The following ENOPH1 variants were observed in gnomAD, a reference collection of about 807,000 sequenced individuals.
ENOPH1 encodes the protein enolase-phosphatase 1, also known as enolase-phosphatase E1.
In ENOPH1, 14 loss-of-function variants were observed where a neutral mutation model predicts 31.1. The observed-to-expected ratio is 0.45, with a 90% CI of 0.30 to 0.70. The LOEUF (loss-of-function observed/expected upper bound fraction) is 0.70. ENOPH1 is among the 30% of genes least tolerant of loss of function. ENOPH1 has a pLI of 0.09. For missense variants in ENOPH1, 243 were observed against 321.5 expected, an observed-to-expected ratio of 0.76 and a Z score of 1.87; for synonymous variants, 127 against 123.2, an observed-to-expected ratio of 1.03 and a Z score of -0.21.
chr4:82,450,535 A>C (rs915915550), intron 2 of ENOPH1, among the ~76,000 whole-genome samples: 1 of 152,186 alleles, frequency 6.6e-6, no homozygotes, highest in Non-Finnish European at 1.5e-5. Flanking sequence ...CTTTGTCACA[A>C]GGTCATTGTT....
At chr4:82,434,843 G>T (rs1721865950) in intron 1 of ENOPH1, among the ~76,000 whole-genome samples, 1 of 152,116 alleles carries the variant, frequency 6.6e-6, no homozygotes, top group African/African-American at 2.4e-5. Flanking sequence ...GGAGGCGGAG[G>T]TTGCAGTGAG....
rs191958562 is a variant in ENOPH1, at chr4:82,459,821, A to G, written c.647-160A>G. Among the ~76,000 whole-genome samples, 14 of 152,294 alleles carry G rather than the reference A, an allele frequency of 9.2e-5. No homozygotes were observed. In the East Asian group the frequency reaches 2.7e-3, roughly 29 times the overall value. On this transcript the variant is annotated intron_variant, in intron 5 of 5. Coordinates refer to ENST00000273920, the MANE Select transcript of ENOPH1 (RefSeq NM_021204.5). ...AAACATACATAAAAGAGATAATAATATAGTCAACCCCAGGGTGCCCATCTT... is the reference window on the plus strand; with the variant it reads ...AAACATACATAAAAGAGATAATAATGTAGTCAACCCCAGGGTGCCCATCTT...
At chr4:82,431,280 G>A (rs1344675553) in intron 1 of ENOPH1, among the ~76,000 whole-genome samples, 1 of 152,186 alleles carries the variant, frequency 6.6e-6, no homozygotes, top group Non-Finnish European at 1.5e-5. Flanking sequence ...TTTCTGCTCC[G>A]TCGGGCCTGG....
intron 1 of ENOPH1, among the ~76,000 whole-genome samples, chr4:82,443,032 C>T (rs545280641): frequency 1.3e-5 from 2 of 151,930 alleles, no homozygotes; most frequent in East Asian, 2.0e-4. Context: ...ATCTCAAACT[C>T]GTGACCTCAA....
chr4:82,437,333 G>A (rs536164067), intron 1 of ENOPH1, among the ~76,000 whole-genome samples: 22 of 152,250 alleles, frequency 1.4e-4, no homozygotes, highest in Non-Finnish European at 2.6e-4. Flanking sequence ...TAAATAGGTC[G>A]CCTTTGCATA....
intron 1 of ENOPH1, among the ~76,000 whole-genome samples, chr4:82,435,535 A>G (rs190587731): frequency 8.5e-5 from 13 of 152,348 alleles, no homozygotes. Flanking sequence ...GTATTTTAGA[A>G]GATAATAATT....
intron 1 of ENOPH1, among the ~76,000 whole-genome samples, chr4:82,441,666 A>C (rs1216471207): frequency 1.3e-5 from 2 of 152,002 alleles, no homozygotes; most frequent in Non-Finnish European, 2.9e-5. Flanking sequence ...AAACCATCAG[A>C]TCTTGTGACA....
At position 82,435,197 on chromosome 4, in the gene ENOPH1, G is replaced by A. The variant is rs550344925; in HGVS notation, c.84+4284G>A. On this transcript the variant is annotated intron_variant, in intron 1 of 5. Transcript: ENST00000273920. ...GCTCACCGCAACCTCGACCTCTCAG[G>A]CTTAAGCAATCCTCCTACCTCAGTC... Among the ~76,000 whole-genome samples the A allele has an allele frequency of 5.3e-5, 8 of 152,242 alleles. No individual in the cohort carries two copies. The East Asian group carries it at 1.5e-3, about 29-fold the overall frequency.
At chr4:82,441,245 C>T (rs1456899702) in intron 1 of ENOPH1, among the ~76,000 whole-genome samples, 1 of 152,116 alleles carries the variant, frequency 6.6e-6, no homozygotes, top group Non-Finnish European at 1.5e-5. Flanking sequence ...GCCTCACAAT[C>T]ATGGTGGAAG....
intron 1 of ENOPH1, among the ~76,000 whole-genome samples, chr4:82,441,081 A>G (rs1278725262): frequency 3.9e-5 from 6 of 152,212 alleles, no homozygotes; most frequent in Non-Finnish European, 7.3e-5. Flanking sequence ...GGCATGGACC[A>G]CTCCAAAAAG....
Position 82,432,743 on chromosome 4 carries a change from G to A in ENOPH1, c.84+1830G>A, listed in dbSNP as rs569644201. ...CAACCTCTGCTTCCGGGGTTCAAGCGATTCTGGTGCCTCAGCCTTCCGAGT... is the reference window on the plus strand; with the variant it reads ...CAACCTCTGCTTCCGGGGTTCAAGCAATTCTGGTGCCTCAGCCTTCCGAGT... On this transcript the variant is annotated intron_variant, in intron 1 of 5. Coordinates refer to ENST00000273920, the MANE Select transcript of ENOPH1 (RefSeq NM_021204.5). Among the ~76,000 whole-genome samples the A allele has an allele frequency of 7.2e-5, 11 of 152,242 alleles. No individual in the cohort carries two copies. The South Asian group carries it at 2.3e-3, about 32-fold the overall frequency.
intron 1 of ENOPH1, among the ~76,000 whole-genome samples, chr4:82,440,659 T>C (rs1443103396): frequency 6.6e-6 from 1 of 152,236 alleles, no homozygotes; most frequent in Non-Finnish European, 1.5e-5. Flanking sequence ...GTGCTGCTTC[T>C]TAAAACCTTA....
intron 2 of ENOPH1, among the ~76,000 whole-genome samples, chr4:82,450,407 CTTACT>C (rs1188873248): frequency 1.3e-5 from 2 of 152,190 alleles, no homozygotes; most frequent in African/African-American, 2.4e-5. Flanking sequence ...TAAATGAGGA[CTTACT>C]TTACTTTCCT....
rs778872913 is a variant in ENOPH1 at position 82,430,868 on chromosome 4, C to T, written c.39C>T (p.Ile13=). The T allele has an allele frequency of 6.2e-7, 1 of 1,614,206 alleles. No individual in the cohort carries two copies. Among genetic ancestry groups the T allele is most frequent in the Non-Finnish European group, 8.5e-7 (1 of 1,180,024 alleles). Residue 13 remains isoleucine (I), a synonymous_variant, in exon 1 of 6, where the codon ATC becomes ATT. Transcript: ENST00000273920. Reference sequence around the variant, plus strand: ...CGGTCCCCGCCGAAGTCACCGTGATCCTGTTAGATATCGAAGGTACCACAA... The same window carrying T: ...CGGTCCCCGCCGAAGTCACCGTGATTCTGTTAGATATCGAAGGTACCACAA... ...VLSVPAEVTV[I]LLDIEGTTTP... is the part of the protein sequence containing the mutation.
rs533983916 is a variant in ENOPH1, at chr4:82,430,603, G to A, written c.-227G>A. ...CCTGCCCACGTGGTCTCGGGCTCCTGCCCCGTCCTGCTCACGAGTTCAGGG... is the reference window on the plus strand; with the variant it reads ...CCTGCCCACGTGGTCTCGGGCTCCTACCCCGTCCTGCTCACGAGTTCAGGG... On this transcript the variant is annotated 5_prime_UTR_variant, in exon 1 of 6. Coordinates refer to ENST00000273920, the MANE Select transcript of ENOPH1 (RefSeq NM_021204.5). 6 of 544,644 alleles carry A rather than the reference G, an allele frequency of 1.1e-5. No individual in the cohort carries two copies. Among genetic ancestry groups the A allele is most frequent in the African/African-American group, 2.0e-5 (1 of 51,006 alleles). 33.7% of individuals were successfully genotyped at this position (544,644 alleles called of 1,614,324 possible). A position where few individuals can be genotyped will look rare whatever the true frequency, so the allele number is the denominator to read the frequency against.
rs753365033 is a variant in ENOPH1 at position 82,454,871 on chromosome 4, A to G, written c.522+17A>G. The G allele has an allele frequency of 6.2e-7, 1 of 1,606,512 alleles. No homozygotes were observed. The highest frequency in any genetic ancestry group is 8.5e-7 in the Non-Finnish European group (1 of 1,177,756). Reference sequence around the variant, plus strand: ...ATTCTTGAGGTAGGTTACCTAGTTTACTTTGTTGTTTTGACGCTATCAAAG... The same window carrying G: ...ATTCTTGAGGTAGGTTACCTAGTTTGCTTTGTTGTTTTGACGCTATCAAAG... On this transcript the variant is annotated intron_variant, in intron 4 of 5. Coordinates refer to ENST00000273920, the MANE Select transcript of ENOPH1 (RefSeq NM_021204.5).
In ENOPH1 at chr4:82,430,860, A is replaced by C. The variant is rs1325008485; in HGVS notation, c.31A>C (p.Thr11Pro). The C allele has an allele frequency of 2.5e-6, 4 of 1,614,086 alleles. No homozygotes were observed. The highest frequency in any genetic ancestry group is 3.4e-6 in the Non-Finnish European group (4 of 1,180,014). MVVLSVPAEV[T>P]VILLDIEGTT... ...CGTGCTTTCGGTCCCCGCCGAAGTC[A>C]CCGTGATCCTGTTAGATATCGAAGG... The change falls in exon 1 of 6, where the codon ACC (threonine) becomes CCC (proline). Residue 11 changes from threonine (T) to proline (P), a missense_variant. Thr to Pro is a conservative substitution (Grantham distance 38). Transcript: ENST00000273920.
intron 1 of ENOPH1, among the ~76,000 whole-genome samples, chr4:82,437,481 A>G (rs999266433): frequency 2.6e-5 from 4 of 152,114 alleles, no homozygotes; most frequent in Non-Finnish European, 5.9e-5. Flanking sequence ...TGCTGCCACC[A>G]TTCTTCCAGC....
At chr4:82,433,075 A>C (rs1044230681) in intron 1 of ENOPH1, among the ~76,000 whole-genome samples, 3 of 152,050 alleles carry the variant, frequency 2.0e-5, no homozygotes, top group African/African-American at 7.3e-5. Context: ...TTAACAGCTC[A>C]CTCGTTCCAC....
Sources: allele counts gnomAD v4.1 joint callset (sites outside exome capture counted in the v4.1 genomes callset), GRCh38; gene constraint gnomAD v4.1.1; transcripts MANE v1.5; gene names NCBI Gene and HGNC (gene_info 2026-07-23, HGNC 2026-07-21).